Variants in MED13L observed in about 807,000 individuals in gnomAD.
MED13L encodes the protein mediator complex subunit 13L.
A neutral mutation model predicts 220.9 loss-of-function variants in MED13L; 7 were observed. The observed-to-expected ratio is 0.03, with a 90% confidence interval of 0.02 to 0.06. MED13L has a LOEUF of 0.06. Ranked by LOEUF, MED13L falls within the 10% of genes least tolerant of loss-of-function variation. The pLI is 1.00. For missense variants in MED13L, 1,965 were observed against 2,760.5 expected, an observed-to-expected ratio of 0.71 and a Z score of 6.46; for synonymous variants, 1,011 against 1,015.2, an observed-to-expected ratio of 1.00 and a Z score of 0.08.
intron 2 of MED13L, among the ~76,000 whole-genome samples, chr12:116,204,791 C>T (rs1245752552): frequency 1.3e-5 from 2 of 152,160 alleles, no homozygotes; most frequent in African/African-American, 2.4e-5. Context: ...TATAGAGATA[C>T]TTAGGTATTA....
At chr12:116,173,893 G>A (rs754333303) in intron 2 of MED13L, among the ~76,000 whole-genome samples, 13 of 152,162 alleles carry the variant, frequency 8.5e-5, no homozygotes, top group Non-Finnish European at 1.8e-4. Flanking sequence ...GAGGCCAGGA[G>A]TTTGAGACCA....
intron 1 of MED13L, among the ~76,000 whole-genome samples, chr12:116,262,512 T>C (rs533619535): frequency 2.0e-5 from 3 of 152,210 alleles, no homozygotes; most frequent in Non-Finnish European, 4.4e-5. Context: ...ATGAGAAAGT[T>C]TGGCAACAAA....
intron 3 of MED13L, among the ~76,000 whole-genome samples, chr12:116,104,508 G>A (rs539935166): frequency 5.9e-5 from 9 of 152,152 alleles, no homozygotes; most frequent in Non-Finnish European, 1.0e-4. Flanking sequence ...AGCAGCTCTG[G>A]GCCAAAGGCA....
At chr12:116,234,169 A>C (rs948381600) in intron 2 of MED13L, among the ~76,000 whole-genome samples, 1 of 152,158 alleles carries the variant, frequency 6.6e-6, no homozygotes, top group Non-Finnish European at 1.5e-5. Flanking sequence ...AAAATGTTAA[A>C]TAATGGTAAT....
At chr12:116,130,043 A>T (rs190891391) in intron 2 of MED13L, among the ~76,000 whole-genome samples, 71 of 152,362 alleles carry the variant, frequency 4.7e-4, no homozygotes, top group African/African-American at 1.7e-3. Flanking sequence ...AAAAGATCTC[A>T]GAGGCTCTAT....
chr12:116,276,900 G>C (rs1452500289), intron 1 of MED13L, 160 bp downstream of exon 1: 2 of 990,614 alleles, frequency 2.0e-6, no homozygotes, highest in African/African-American at 1.6e-5. Context: ...GCGAGAGAGA[G>C]ACGATCCAAA....
intron 2 of MED13L, among the ~76,000 whole-genome samples, chr12:116,154,787 G>T (rs895276298): frequency 6.6e-6 from 1 of 152,082 alleles, no homozygotes; most frequent in Non-Finnish European, 1.5e-5. Context: ...AATATTTTTC[G>T]ATAAAGATAT....
intron 2 of MED13L, among the ~76,000 whole-genome samples, chr12:116,125,877 T>C (rs922729877): frequency 2.0e-5 from 3 of 151,512 alleles, no homozygotes; most frequent in Non-Finnish European, 3.0e-5. Flanking sequence ...TAAACAACTA[T>C]GGTTTACATA....
intron 1 of MED13L, among the ~76,000 whole-genome samples, chr12:116,239,353 A>C (rs1870398650): frequency 6.6e-6 from 1 of 152,204 alleles, no homozygotes; most frequent in Non-Finnish European, 1.5e-5. Flanking sequence ...CATGGCCAAT[A>C]TAAAAAGTTC....
chr12:116,235,306 ATTACT>A (rs1869976668), intron 2 of MED13L, among the ~76,000 whole-genome samples: 1 of 152,186 alleles, frequency 6.6e-6, no homozygotes, highest in African/African-American at 2.4e-5. Context: ...TAATTATTCC[ATTACT>A]GTAATACTTT....
chr12:116,022,591 A>T lies in MED13L; in HGVS notation c.490T>A (p.Ser164Thr). The change falls in exon 5 of 31, where the codon TCC becomes ACC. Residue 164 changes from serine to threonine, a missense_variant. Ser to Thr is a moderately conservative substitution (Grantham distance 58). Around this residue, in one of 10 missense-constraint regions of MED13L, gnomAD observed 818 missense variants for 1,041.2 expected, o/e 0.79. Transcript: ENST00000281928. ...TGCAGAAAGAATGTGAAAGCACAGGACAAATGCTCACTACAAAAGAGAGAA... is the reference window on the plus strand; with the variant it reads ...TGCAGAAAGAATGTGAAAGCACAGGTCAAATGCTCACTACAAAAGAGAGAA... ...EKPVNKSEHL[S>T]CAFTFFLHGE... 6.2e-7 allele frequency: 1 copy of T among 1,612,212 alleles called. No homozygotes were observed.
At chr12:116,150,498 T>TA (rs1249544335) in intron 2 of MED13L, among the ~76,000 whole-genome samples, 2 of 152,232 alleles carry the variant, frequency 1.3e-5, no homozygotes, top group Non-Finnish European at 2.9e-5. Flanking sequence ...GCTGGCATTC[T>TA]AAACCTCCTA....
At chr12:116,030,254 CAGTGCAATTTAGTTAGA>C (rs1880656253) in intron 4 of MED13L, among the ~76,000 whole-genome samples, 1 of 152,096 alleles carries the variant, frequency 6.6e-6, no homozygotes. Context: ...TCTTTAACAA[CAGTGCAATTTAGTTAGA>C]AATCAACAGT....
Position 115,987,089 on chromosome 12 carries a change from A to C in MED13L, c.4114+20T>G, listed in dbSNP as rs1317569225. 1 of 1,613,312 alleles carries C rather than the reference A, an allele frequency of 6.2e-7. No individual in the cohort carries two copies. ...CAGCACTGAAGTCAGAAGGAATTTTAAACAGGACAAAGACCCTACCGTAGG... is the reference window on the plus strand; with the variant it reads ...CAGCACTGAAGTCAGAAGGAATTTTCAACAGGACAAAGACCCTACCGTAGG... On this transcript the variant is annotated intron_variant, in intron 18 of 30. Coordinates refer to ENST00000281928, the MANE Select transcript of MED13L (RefSeq NM_015335.5).
chr12:116,258,178 T>A (rs1872212366), intron 1 of MED13L, among the ~76,000 whole-genome samples: 1 of 152,180 alleles, frequency 6.6e-6, no homozygotes, highest in African/African-American at 2.4e-5. Flanking sequence ...AAGAAAAACA[T>A]AAAATACAAA....
intron 1 of MED13L, among the ~76,000 whole-genome samples, chr12:116,275,542 G>A (rs752751293): frequency 6.6e-6 from 1 of 152,098 alleles, no homozygotes; most frequent in Non-Finnish European, 1.5e-5. Context: ...AAAAGTTGGC[G>A]AGAATTTGCA....
intron 4 of MED13L, among the ~76,000 whole-genome samples, chr12:116,054,860 A>G (rs1868818522): frequency 6.6e-6 from 1 of 152,196 alleles, no homozygotes. Flanking sequence ...CTAGGTATAT[A>G]CCCAATAGAA....
At chr12:116,021,884 A>G (rs1177932132) in intron 5 of MED13L, among the ~76,000 whole-genome samples, 1 of 152,200 alleles carries the variant, frequency 6.6e-6, no homozygotes, top group Non-Finnish European at 1.5e-5. Context: ...ATAGGTGGTA[A>G]AGCTGAGAAT....
At chr12:116,238,867 C>T (rs1036494236) in intron 1 of MED13L, among the ~76,000 whole-genome samples, 2 of 152,110 alleles carry the variant, frequency 1.3e-5, no homozygotes, top group Non-Finnish European at 2.9e-5. Flanking sequence ...GAGGCCTAGG[C>T]GGGCAGATCA....
Sources: gnomAD v4.1 joint callset for allele counts (sites outside exome capture counted in the v4.1 genomes callset) on GRCh38, gnomAD v4.1.1 for gene constraint, gnomAD v4.1.1 regional missense constraint, MANE v1.5 for transcripts, NCBI Gene and HGNC (gene_info 2026-07-23, HGNC 2026-07-21) for gene names.